Variants in ALMS1 observed in about 807,000 individuals in gnomAD.
ALMS1 encodes the protein centrosome-associated protein ALMS1.
In ALMS1, 271 loss-of-function variants were observed where a neutral mutation model predicts 352.2. That is an observed-to-expected ratio of 0.77 (90% CI 0.70 to 0.85). The LOEUF (loss-of-function observed/expected upper bound fraction) is 0.85, where lower values mean the gene tolerates loss of function less well. ALMS1 is among the 40% of genes least tolerant of loss of function. The pLI, the probability that ALMS1 is intolerant of heterozygous loss-of-function variation, is 0.00. For synonymous variants in ALMS1, 1,865 were observed against 1,761.2 expected (o/e 1.06, Z -1.48); for missense variants, 5,445 against 4,870.7 (o/e 1.12, Z -3.51).
Position 73,448,292 on chromosome 2 carries a change from T to A in ALMS1, c.1765T>A (p.Leu589Met). The A allele has an allele frequency of 6.2e-7, 1 of 1,614,066 alleles. No individual in the cohort carries two copies. Among genetic ancestry groups the A allele is most frequent in the Admixed American group, 1.7e-5 (1 of 60,000 alleles). ...GCCCAGCATTTTCTACCAGCAGGGC[T>A]TGCCAGACAGTCATCTAACTGAAGA... ...GKPSIFYQQG[L>M]PDSHLTEEAL... is the part of the protein sequence containing the mutation. The change falls in exon 8 of 23, where the codon TTG (leucine) becomes ATG (methionine). Residue 589 changes from leucine to methionine, a missense_variant. By Grantham distance (15) the Leu-to-Met change is conservative. Coordinates refer to ENST00000613296, the MANE Select transcript of ALMS1 (RefSeq NM_001378454.1).
rs772330546 is a variant in ALMS1, at chr2:73,554,231, CAA to C, written c.10079-2977_10079-2976del. Among the ~76,000 whole-genome samples, 6 of 91,354 alleles carry C rather than the reference CAA, an allele frequency of 6.6e-5. 1 individual carries two copies. Among genetic ancestry groups the C allele is most frequent in the Non-Finnish European group, 1.3e-4 (5 of 38,734 alleles). The allele number at this position is 91,354 out of a possible 152,430, so 59.9% of individuals were successfully genotyped here. ...ATATGGACAAAATATAATTCCAGGA[CAA>C]AAAAAAAAAAATTAAAGGTAGATAC... On this transcript the variant is annotated intron_variant, in intron 13 of 22. Coordinates refer to ENST00000613296, the MANE Select transcript of ALMS1 (RefSeq NM_001378454.1).
rs530470825 is a variant in ALMS1 at position 73,398,548 on chromosome 2, T to G, written c.325-10074T>G. On this transcript the variant is annotated intron_variant, in intron 1 of 22. Transcript: ENST00000613296. ...GATCAAGTTGGGAAGAACTGACATC[T>G]TGACAATATTGAGTATTTCATGAAG... Among the ~76,000 whole-genome samples, 451 of 152,326 alleles carry G rather than the reference T, an allele frequency of 3.0e-3. 4 individuals carry two copies. Among genetic ancestry groups the G allele is most frequent in the Non-Finnish European group, 2.2e-3 (151 of 68,030 alleles).
chr2:73,430,949 C>T (rs1377060271), intron 6 of ALMS1, among the ~76,000 whole-genome samples: 1 of 152,010 alleles, frequency 6.6e-6, no homozygotes, highest in East Asian at 1.9e-4. Context: ...ATAGCCTGTA[C>T]TTCAGAGAAG....
rs1673500039 is a variant in ALMS1 at position 73,513,759 on chromosome 2, A to G, written c.9540-6016A>G. On this transcript the variant is annotated intron_variant, in intron 10 of 22. Transcript: ENST00000613296. ...CTCCCTCTTCATGGAAGCCCTCCATATCCTGATTTGGTGCTTTTATTGCAC... is the reference window on the plus strand; with the variant it reads ...CTCCCTCTTCATGGAAGCCCTCCATGTCCTGATTTGGTGCTTTTATTGCAC... Among the ~76,000 whole-genome samples, 3 of 152,020 alleles carry G rather than the reference A, an allele frequency of 2.0e-5. No individual in the cohort carries two copies. In the South Asian group the frequency reaches 6.2e-4, roughly 32 times the overall value.
chr2:73,550,997 A>G (rs1189230067), intron 13 of ALMS1, among the ~76,000 whole-genome samples: 1 of 151,852 alleles, frequency 6.6e-6, no homozygotes, highest in Non-Finnish European at 1.5e-5. Flanking sequence ...ACACACCACT[A>G]TGCCTGGCTA....
At position 73,603,122 on chromosome 2, in the gene ALMS1, T is replaced by G. The variant is rs904229286; in HGVS notation, c.12299-119T>G. The G allele has an allele frequency of 1.7e-5, 15 of 896,526 alleles. No homozygotes were observed. The African/African-American group carries it at 2.3e-4, about 14-fold the overall frequency. The allele number at this position is 896,526 out of a possible 1,614,324, so 55.5% of individuals were successfully genotyped here. ...GCTTGCCTTGGTCATTGCTCCCCAC[T>G]CAGTCTTGCCAGCTCAGGGTAGGGG... On this transcript the variant is annotated intron_variant, in intron 20 of 22. Transcript: ENST00000613296.
intron 10 of ALMS1, among the ~76,000 whole-genome samples, chr2:73,494,563 A>T (rs1163363078): frequency 4.6e-5 from 7 of 152,100 alleles, no homozygotes; most frequent in Non-Finnish European, 4.4e-5. Context: ...CCTCCAATCT[A>T]TGACAGTTTC....
chr2:73,398,695 G>A (rs1670814231), intron 1 of ALMS1, among the ~76,000 whole-genome samples: 1 of 152,110 alleles, frequency 6.6e-6, no homozygotes, highest in Non-Finnish European at 1.5e-5. Flanking sequence ...TTCTTGGGTT[G>A]TTAATGTAAA....
chr2:73,439,184 T>A (rs1254940820), intron 7 of ALMS1, among the ~76,000 whole-genome samples: 1 of 150,680 alleles, frequency 6.6e-6, no homozygotes, highest in Admixed American at 6.6e-5. Flanking sequence ...AGTGATATGA[T>A]CATAGCTCCA....
chr2:73,449,309 C>T lies in ALMS1; in HGVS notation c.2782C>T (p.Pro928Ser). 9.9e-6 allele frequency: 16 copies of T among 1,613,948 alleles called. No individual in the cohort carries two copies. Among genetic ancestry groups the T allele is most frequent in the Non-Finnish European group, 1.4e-5 (16 of 1,179,980 alleles). ...SQQTLPDFLF[P>S]EEALKVSAVS... ...GCAGACCCTGCCAGACTTTCTTTTC[C>T]CTGAAGAAGCTCTGAAGGTTTCAGC... The change falls in exon 8 of 23, where the codon CCT becomes TCT. Residue 928 changes from proline to serine, a missense_variant. By Grantham distance (74) the Pro-to-Ser change is moderately conservative (BLOSUM62 -1). Transcript: ENST00000613296.
At chr2:73,487,822 A>G (rs1475998425) in intron 9 of ALMS1, among the ~76,000 whole-genome samples, 1 of 151,890 alleles carries the variant, frequency 6.6e-6, no homozygotes, top group Non-Finnish European at 1.5e-5. Context: ...TCCATCTGTC[A>G]GTGGAGAGGA....
intron 16 of ALMS1, 140 bp from the exon 17 acceptor site, chr2:73,599,261 C>G: frequency 1.8e-6 from 2 of 1,093,890 alleles, no homozygotes; most frequent in South Asian, 1.3e-5. Flanking sequence ...GCAGCAAGTT[C>G]ACAGTATCTC....
Position 73,600,864 on chromosome 2 carries a change from A to G in ALMS1, c.11855A>G (p.Lys3952Arg). 2.5e-6 allele frequency: 4 copies of G among 1,613,986 alleles called. No individual in the cohort carries two copies. Among genetic ancestry groups the G allele is most frequent in the Non-Finnish European group, 3.4e-6 (4 of 1,179,920 alleles). The change falls in exon 18 of 23, where the codon AAG becomes AGG. Residue 3952 changes from lysine (K) to arginine (R), a missense_variant. Coordinates refer to ENST00000613296, the MANE Select transcript of ALMS1 (RefSeq NM_001378454.1). The stretch of plus-strand genomic sequence containing the variant: ...GAGGACAGAAAGTTAAAAAAGAACA[A>G]GAAGAATTCCCATGAAGGTCAGTTT... ...YPEDRKLKKN[K>R]KNSHEGVSWF...
Position 73,478,227 on chromosome 2 carries a change from C to G in ALMS1, c.7675-11407C>G, listed in dbSNP as rs1672621653. ...TAGCTTTTAAGAGCCTGTTACATATCTAATGACATGTGGTTGGTTTGTTGT... is the reference window on the plus strand; with the variant it reads ...TAGCTTTTAAGAGCCTGTTACATATGTAATGACATGTGGTTGGTTTGTTGT... On this transcript the variant is annotated intron_variant, in intron 9 of 22. Transcript: ENST00000613296. Among the ~76,000 whole-genome samples the G allele has an allele frequency of 2.0e-5, 3 of 152,192 alleles. No individual in the cohort carries two copies. In the South Asian group the frequency reaches 6.2e-4, roughly 32 times the overall value.
chr2:73,491,092 T>C lies in ALMS1; in HGVS notation c.9133T>C (p.Ser3045Pro), dbSNP rs1300179474. Residue 3045 changes from serine (S) to proline (P), a missense_variant, in exon 10 of 23, where the codon TCT (serine) becomes CCT (proline). Ser to Pro is a moderately conservative substitution (Grantham distance 74, BLOSUM62 -1). Transcript: ENST00000613296. The stretch of plus-strand genomic sequence containing the variant: ...TCCTCCTTCAAATAGAAAAGCACTT[T>C]CTTGTGTTCATATAACTCTTTGTCC... ...STPPSNRKALSCVHITLCPKT... is the reference protein window; with the variant it reads ...STPPSNRKALPCVHITLCPKT... 6.2e-6 allele frequency: 10 copies of C among 1,614,210 alleles called. No homozygotes were observed. Among genetic ancestry groups the C allele is most frequent in the Non-Finnish European group, 7.6e-6 (9 of 1,180,028 alleles).
At chr2:73,568,627 A>G (rs1223911296) in intron 15 of ALMS1, among the ~76,000 whole-genome samples, 1 of 152,224 alleles carries the variant, frequency 6.6e-6, no homozygotes, top group Admixed American at 6.5e-5. Context: ...GGTTATCACC[A>G]GAAAGTGGAA....
chr2:73,594,541 C>T (rs1391704548), intron 16 of ALMS1, among the ~76,000 whole-genome samples: 2 of 152,196 alleles, frequency 1.3e-5, no homozygotes, highest in Non-Finnish European at 2.9e-5. Flanking sequence ...GAATCCTACC[C>T]ACTCCCATCA....
rs1671281254 is a variant in ALMS1 at position 73,421,403 on chromosome 2, G to T, written c.647-1454G>T. ...TTGTAGCATCAGCTCTAGTGTATTT[G>T]GGGACTTTGTTAAAAACTCTTCATG... is the stretch of plus-strand genomic sequence containing the variant. On this transcript the variant is annotated intron_variant, in intron 3 of 22. Transcript: ENST00000613296. 1.3e-5 allele frequency among the ~76,000 whole-genome samples: 2 copies of T among 152,048 alleles called. 1 individual carries two copies. Among genetic ancestry groups the T allele is most frequent in the South Asian group, 4.1e-4 (2 of 4,820 alleles).
intron 16 of ALMS1, among the ~76,000 whole-genome samples, chr2:73,594,170 C>T (rs1675496178): frequency 6.6e-6 from 1 of 152,280 alleles, no homozygotes; most frequent in Non-Finnish European, 1.5e-5. Flanking sequence ...AATGACTGCA[C>T]CATTTTACAT....
Sources: allele counts gnomAD v4.1 joint callset (sites outside exome capture counted in the v4.1 genomes callset), GRCh38; gene constraint gnomAD v4.1.1; transcripts MANE v1.5; gene names NCBI Gene and HGNC (gene_info 2026-07-23, HGNC 2026-07-21).